Variants in SYT16 observed in about 807,000 individuals in gnomAD.
SYT16 encodes the protein synaptotagmin 16.
A neutral mutation model predicts 61.4 loss-of-function variants in SYT16; 42 were observed. The ratio of observed to expected loss-of-function variants is 0.68; its 90% confidence interval spans 0.53 to 0.89. The LOEUF (loss-of-function observed/expected upper bound fraction) is 0.89, where lower values mean the gene tolerates loss of function less well. Ranked by LOEUF, SYT16 falls within the 40% of genes least tolerant of loss-of-function variation. The pLI is 0.00. For missense variants in SYT16, 804 were observed against 807.3 expected (o/e 1.00, Z 0.05); for synonymous variants, 314 against 302.3 (o/e 1.04, Z -0.40).
chr14:62,048,918 G>A (rs2055131871), intron 3 of SYT16, among the ~76,000 whole-genome samples: 1 of 152,160 alleles, frequency 6.6e-6, no homozygotes, highest in South Asian at 2.1e-4. Flanking sequence ...TTTTGGAATA[G>A]GTGTGGTGTG....
At chr14:61,835,250 ATTTTTTTTTTT>A (rs11378872) in intron 1 of SYT16, among the ~76,000 whole-genome samples, 7 of 110,810 alleles carry the variant, frequency 6.3e-5, no homozygotes, top group Admixed American at 2.1e-4. Flanking sequence ...TGAAAGGTGA[ATTTTTTTTTTT>A]TTTTTTTTTT....
rs766210308 is a variant in SYT16 at position 62,075,115 on chromosome 14, T to G, written c.737-20T>G. 6.3e-7 allele frequency: 1 copy of G among 1,584,816 alleles called. No individual in the cohort carries two copies. The highest frequency in any genetic ancestry group is 2.3e-5 in the East Asian group (1 of 44,124). On this transcript the variant is annotated intron_variant, in intron 4 of 7. Coordinates refer to ENST00000683842, the MANE Select transcript of SYT16 (RefSeq NM_001367656.1). ...GTTAAAAATAATGCATTTGAAATGG[T>G]TTTCTTATTGCAAATTTAGATTTGG...
At chr14:61,947,134 C>T (rs2050470340) in intron 1 of SYT16, among the ~76,000 whole-genome samples, 1 of 151,994 alleles carries the variant, frequency 6.6e-6, no homozygotes, top group African/African-American at 2.4e-5. Context: ...AAGATGGTCT[C>T]AGGGAGAAGC....
intron 1 of SYT16, among the ~76,000 whole-genome samples, chr14:61,949,061 T>C (rs1358582382): frequency 1.3e-5 from 2 of 152,216 alleles, no homozygotes; most frequent in African/African-American, 4.8e-5. Flanking sequence ...CTTTTCTTGC[T>C]CTTACTCATG....
intron 3 of SYT16, 30 bp downstream of exon 3, chr14:61,996,572 G>A (rs2052781120): frequency 7.7e-6 from 12 of 1,554,162 alleles, no homozygotes; most frequent in East Asian, 2.3e-5. Context: ...TTTTCTCTGC[G>A]TTCCTCCAAA....
intron 3 of SYT16, among the ~76,000 whole-genome samples, chr14:62,047,267 T>C (rs2055035315): frequency 6.6e-6 from 1 of 152,222 alleles, no homozygotes; most frequent in African/African-American, 2.4e-5. Flanking sequence ...ATGATTTGGC[T>C]CTCTGTTTGT....
At chr14:61,871,425 G>A (rs2047329028) in intron 1 of SYT16, among the ~76,000 whole-genome samples, 1 of 152,132 alleles carries the variant, frequency 6.6e-6, no homozygotes, top group Admixed American at 6.5e-5. Flanking sequence ...TCTAGTCACT[G>A]TGGCTTCCCC....
Position 62,081,125 on chromosome 14 carries a change from G to A in SYT16, c.1285G>A (p.Ala429Thr). The stretch of plus-strand genomic sequence containing the variant: ...TGCCAAGCTGGAGCCCAGAGATGTG[G>A]CTGCCTGTGCTGTCCGCTTCCGCCT... ...TFAKLEPRDVAACAVRFRLYA... is the reference protein window; with the variant it reads ...TFAKLEPRDVTACAVRFRLYA... The change falls in exon 6 of 8, where the codon GCT becomes ACT. Residue 429 changes from alanine (A) to threonine (T), a missense_variant. Coordinates refer to ENST00000683842, the MANE Select transcript of SYT16 (RefSeq NM_001367656.1). 6.2e-7 allele frequency: 1 copy of A among 1,613,942 alleles called. No homozygotes were observed. The highest frequency in any genetic ancestry group is 8.5e-7 in the Non-Finnish European group (1 of 1,179,872).
At chr14:62,002,271 TTG>T (rs1376379386) in intron 3 of SYT16, among the ~76,000 whole-genome samples, 1 of 152,104 alleles carries the variant, frequency 6.6e-6, no homozygotes, top group Non-Finnish European at 1.5e-5. Context: ...AGTTGGGTTT[TTG>T]TTTTGTTGTT....
At chr14:61,971,193 A>G (rs2051538836) in intron 2 of SYT16, among the ~76,000 whole-genome samples, 1 of 152,212 alleles carries the variant, frequency 6.6e-6, no homozygotes, top group Non-Finnish European at 1.5e-5. Context: ...CGAGAAAGGC[A>G]TAATGTAGGA....
chr14:62,068,971 T>C (rs1349240186), intron 3 of SYT16, among the ~76,000 whole-genome samples: 1 of 152,074 alleles, frequency 6.6e-6, no homozygotes, highest in Admixed American at 6.6e-5. Flanking sequence ...AATTTTTGTA[T>C]TTTTTGTAGA....
chr14:61,908,181 T>C (rs376138139), intron 1 of SYT16, among the ~76,000 whole-genome samples: 7 of 152,238 alleles, frequency 4.6e-5, no homozygotes, highest in African/African-American at 1.7e-4. Flanking sequence ...AACTGCAAAG[T>C]TGATTTAGGT....
intron 1 of SYT16, among the ~76,000 whole-genome samples, chr14:61,882,223 TAAAC>T (rs911762121): frequency 6.6e-5 from 10 of 152,120 alleles, no homozygotes; most frequent in East Asian, 5.8e-4. Context: ...CAAAGGATAA[TAAAC>T]AAGAGAGTAC....
chr14:61,931,063 A>T (rs535730950), intron 1 of SYT16, among the ~76,000 whole-genome samples: 2 of 152,356 alleles, frequency 1.3e-5, no homozygotes, highest in South Asian at 4.1e-4. Flanking sequence ...AATAGAAAAC[A>T]TACTTGTCTT....
At chr14:61,817,642 T>G (rs2045484529) in intron 1 of SYT16, among the ~76,000 whole-genome samples, 3 of 152,100 alleles carry the variant, frequency 2.0e-5, no homozygotes. Context: ...AAGAGACCAC[T>G]AAATGCAATG....
chr14:61,913,864 A>G (rs1005370032), intron 1 of SYT16, among the ~76,000 whole-genome samples: 6 of 152,196 alleles, frequency 3.9e-5, no homozygotes, highest in Non-Finnish European at 8.8e-5. Flanking sequence ...TTTTTCCAAC[A>G]TAGCCTTGTC....
chr14:61,859,032 T>G (rs954679400), intron 1 of SYT16, among the ~76,000 whole-genome samples: 12 of 149,500 alleles, frequency 8.0e-5, no homozygotes, highest in African/African-American at 3.0e-4. Context: ...TTTTTTTTTT[T>G]GTATTTTTAG....
Position 61,982,602 on chromosome 14 carries a change from G to T in SYT16, c.-145+12291G>T, listed in dbSNP as rs544398734. Among the ~76,000 whole-genome samples, 8 of 152,232 alleles carry T rather than the reference G, an allele frequency of 5.3e-5. No individual in the cohort carries two copies. The East Asian group carries it at 1.5e-3, about 29-fold the overall frequency. Reference sequence around the variant, plus strand: ...AATTATGGGAGCTACAGTTCAAGAAGAGATTTGGGTGGGGACATAGCCAAA... The same window carrying T: ...AATTATGGGAGCTACAGTTCAAGAATAGATTTGGGTGGGGACATAGCCAAA... On this transcript the variant is annotated intron_variant, in intron 2 of 7. Coordinates refer to ENST00000683842, the MANE Select transcript of SYT16 (RefSeq NM_001367656.1).
chr14:61,929,789 G>A (rs1439451411), intron 1 of SYT16, among the ~76,000 whole-genome samples: 1 of 152,188 alleles, frequency 6.6e-6, no homozygotes, highest in Non-Finnish European at 1.5e-5. Flanking sequence ...CAGGGTGATT[G>A]AAAACTTTTG....
Sources: allele counts gnomAD v4.1 joint callset (sites outside exome capture counted in the v4.1 genomes callset), GRCh38; gene constraint gnomAD v4.1.1; transcripts MANE v1.5; gene names NCBI Gene and HGNC (gene_info 2026-07-23, HGNC 2026-07-21).